EIF3H: variants seen among roughly 807,000 people sequenced by gnomAD.
EIF3H encodes eukaryotic translation initiation factor 3 subunit H, also known as eIF-3-gamma.
A neutral mutation model predicts 44.2 loss-of-function variants in EIF3H; 26 were observed. The observed-to-expected ratio is 0.59, with a 90% CI of 0.43 to 0.82. EIF3H has a LOEUF of 0.82. Among genes scored for constraint, EIF3H ranks in the 40% least tolerant of loss-of-function variants. The pLI, the probability that EIF3H is intolerant of heterozygous loss-of-function variation, is 0.00. For missense variants in EIF3H, 359 were observed against 432.8 expected (o/e 0.83, Z 1.51); for synonymous variants, 166 against 151.9 (o/e 1.09, Z -0.68).
intron 2 of EIF3H, among the ~76,000 whole-genome samples, chr8:116,690,722 T>C (rs990220093): frequency 6.6e-6 from 1 of 152,236 alleles, no homozygotes. Flanking sequence ...CTAATTATAA[T>C]GTATTTTTCT....
chr8:116,670,165 T>A (rs946927409), intron 2 of EIF3H, among the ~76,000 whole-genome samples: 2 of 152,178 alleles, frequency 1.3e-5, no homozygotes, highest in Non-Finnish European at 2.9e-5. Flanking sequence ...ATGGAGATAG[T>A]CCAAAGCTTT....
chr8:116,691,361 G>T (rs1037362576), intron 2 of EIF3H, among the ~76,000 whole-genome samples: 1 of 152,052 alleles, frequency 6.6e-6, no homozygotes, highest in African/African-American at 2.4e-5. Context: ...AAGAGGAGTG[G>T]GGGGAGGTGC....
intron 2 of EIF3H, among the ~76,000 whole-genome samples, chr8:116,695,005 G>GA (rs1454775761): frequency 6.7e-6 from 1 of 149,938 alleles, no homozygotes; most frequent in East Asian, 1.9e-4. Context: ...AAAAGAAAGT[G>GA]AAACAAAGCA....
chr8:116,680,028 A>G (rs1457733392), intron 2 of EIF3H, among the ~76,000 whole-genome samples: 2 of 6,986 alleles, frequency 2.9e-4, no homozygotes, highest in African/African-American at 4.5e-4. Flanking sequence ...CCCGTCCGGG[A>G]GGGAGGCGGG....
chr8:116,682,276 A>G (rs1369765355), intron 2 of EIF3H, among the ~76,000 whole-genome samples: 1 of 152,234 alleles, frequency 6.6e-6, no homozygotes, highest in Non-Finnish European at 1.5e-5. Flanking sequence ...GGGGCAATAC[A>G]TAGAGGTCAA....
intron 3 of EIF3H, 161 bp from the exon 4 acceptor site, chr8:116,657,475 T>C (rs1282629679): frequency 6.6e-6 from 4 of 607,198 alleles, no homozygotes; most frequent in African/African-American, 5.6e-5. Context: ...CAAAGCACTA[T>C]TGCAAATAGC....
intron 2 of EIF3H, among the ~76,000 whole-genome samples, chr8:116,676,308 T>C (rs1174104241): frequency 6.6e-6 from 1 of 152,230 alleles, no homozygotes; most frequent in African/African-American, 2.4e-5. Flanking sequence ...TGCCTGAGAC[T>C]AGGCTGTGTA....
chr8:116,743,327 C>T (rs1025289093), intron 1 of EIF3H, among the ~76,000 whole-genome samples: 1 of 152,026 alleles, frequency 6.6e-6, no homozygotes, highest in African/African-American at 2.4e-5. Context: ...GTTGCACACA[C>T]CTATAGTCCC....
chr8:116,681,663 T>C (rs1310396507), intron 2 of EIF3H, among the ~76,000 whole-genome samples: 1 of 107,012 alleles, frequency 9.3e-6, no homozygotes, highest in African/African-American at 4.4e-5. Context: ...CGAAACTCCA[T>C]CTCAAAAAAA....
At chr8:116,692,235 T>G (rs1315873747) in intron 2 of EIF3H, among the ~76,000 whole-genome samples, 1 of 152,160 alleles carries the variant, frequency 6.6e-6, no homozygotes, top group Non-Finnish European at 1.5e-5. Context: ...ACTCCAATAA[T>G]TCCACAATTT....
At chr8:116,714,608 A>G (rs1274314610) in intron 2 of EIF3H, among the ~76,000 whole-genome samples, 1 of 152,054 alleles carries the variant, frequency 6.6e-6, no homozygotes, top group African/African-American at 2.4e-5. Context: ...TGAGGTCACT[A>G]GGTAAACATG....
intron 7 of EIF3H, among the ~76,000 whole-genome samples, chr8:116,645,702 T>A (rs1813284752): frequency 6.6e-6 from 1 of 152,244 alleles, no homozygotes; most frequent in Non-Finnish European, 1.5e-5. Context: ...CTGTTTGAAT[T>A]GGACCTTTGG....
At chr8:116,645,830 A>G (rs1435094974) in intron 7 of EIF3H, among the ~76,000 whole-genome samples, 1 of 152,264 alleles carries the variant, frequency 6.6e-6, no homozygotes, top group Non-Finnish European at 1.5e-5. Context: ...ATTGCCAATC[A>G]GCTTTTGAGT....
rs182634167 is a variant in EIF3H, at chr8:116,642,719, G to C, written c.*2287C>G. The C allele has an allele frequency of 2.5e-4, 38 of 152,248 alleles. No individual in the cohort carries two copies. The highest frequency in any genetic ancestry group is 8.7e-4 in the African/African-American group (36 of 41,552). 9.4% of individuals were successfully genotyped at this position (152,248 alleles called of 1,614,324 possible). A position where few individuals can be genotyped will look rare whatever the true frequency, so the allele number is the denominator to read the frequency against. ...GAAACTGCAAATATTTATAGAAGAT[G>C]AATCACATGTATTTGTTCCTGAAAA... On this transcript the variant is annotated 3_prime_UTR_variant, in exon 8 of 8. Coordinates refer to ENST00000521861, the MANE Select transcript of EIF3H (RefSeq NM_003756.3).
intron 7 of EIF3H, 127 bp from the exon 8 acceptor site, chr8:116,645,230 AT>A: frequency 1.4e-6 from 1 of 690,644 alleles, no homozygotes. Context: ...TCCAGAGTTT[AT>A]TTTTCCATAA....
intron 2 of EIF3H, among the ~76,000 whole-genome samples, chr8:116,704,651 T>C (rs1189542436): frequency 1.3e-5 from 2 of 152,180 alleles, no homozygotes; most frequent in East Asian, 3.8e-4. Context: ...TCGGCGTCAA[T>C]AATCAGATAA....
intron 2 of EIF3H, among the ~76,000 whole-genome samples, chr8:116,661,637 G>A (rs567330899): frequency 2.4e-4 from 36 of 152,250 alleles, no homozygotes; most frequent in Admixed American, 4.6e-4. Context: ...CCTCCAGCAT[G>A]CATTATGATT....
At chr8:116,735,436 C>T (rs1815018394) in intron 1 of EIF3H, among the ~76,000 whole-genome samples, 1 of 152,288 alleles carries the variant, frequency 6.6e-6, no homozygotes, top group South Asian at 2.1e-4. Flanking sequence ...GAAATAAAAA[C>T]ATCCACACAA....
intron 1 of EIF3H, among the ~76,000 whole-genome samples, chr8:116,735,038 A>G (rs939137822): frequency 6.6e-6 from 1 of 152,238 alleles, no homozygotes; most frequent in Non-Finnish European, 1.5e-5. Flanking sequence ...ATCTTTACCT[A>G]GTAGGCATGT....
Sources: allele counts gnomAD v4.1 joint callset (sites outside exome capture counted in the v4.1 genomes callset), GRCh38; gene constraint gnomAD v4.1.1; transcripts MANE v1.5; gene names NCBI Gene and HGNC (gene_info 2026-07-23, HGNC 2026-07-21).